Variants in SEMA3D observed in about 807,000 individuals in gnomAD.
SEMA3D encodes the protein semaphorin-3D.
In SEMA3D, 84 loss-of-function variants were observed where a neutral mutation model predicts 100.1. The observed-to-expected ratio is 0.84, with a 90% confidence interval of 0.70 to 1.01. The LOEUF (loss-of-function observed/expected upper bound fraction) is 1.01, where lower values mean the gene tolerates loss of function less well. SEMA3D is among the 50% of genes least tolerant of loss of function. The pLI, the probability that SEMA3D is intolerant of heterozygous loss-of-function variation, is 0.00. For missense variants in SEMA3D, 875 were observed against 934.1 expected (o/e 0.94, Z 0.82); for synonymous variants, 312 against 320.7 (o/e 0.97, Z 0.29).
At chr7:85,121,173 A>T (rs978300398) in intron 3 of SEMA3D, among the ~76,000 whole-genome samples, 1 of 152,230 alleles carries the variant, frequency 6.6e-6, no homozygotes, top group East Asian at 1.9e-4. Context: ...ACACAGACAC[A>T]CACAAAGTTG....
chr7:85,154,767 G>A (rs1235430425), intron 1 of SEMA3D, among the ~76,000 whole-genome samples: 1 of 152,128 alleles, frequency 6.6e-6, no homozygotes, highest in Non-Finnish European at 1.5e-5. Flanking sequence ...AAGGTGATAA[G>A]TCTAGGTTGG....
chr7:85,022,812 T>C (rs1790293556), intron 12 of SEMA3D, among the ~76,000 whole-genome samples, 199 bp from the exon 13 acceptor site: 1 of 151,932 alleles, frequency 6.6e-6, no homozygotes, highest in Non-Finnish European at 1.5e-5. Flanking sequence ...CCTTCAAAAA[T>C]TTTCTAAATT....
intron 4 of SEMA3D, among the ~76,000 whole-genome samples, chr7:85,093,317 G>A (rs1788453720): frequency 6.6e-6 from 1 of 151,682 alleles, no homozygotes; most frequent in African/African-American, 2.4e-5. Context: ...ATATATTTCT[G>A]GCCAACGAGA....
At chr7:85,231,727 G>A in the SEMA3D span, among the ~76,000 whole-genome samples, 1 of 152,082 alleles carries the variant, frequency 6.6e-6, no homozygotes, top group Admixed American at 6.5e-5. Flanking sequence ...TGGGATTATA[G>A]GCGTGAGCCA....
In SEMA3D at chr7:85,066,911, C is replaced by CAG. The variant is rs759461188; in HGVS notation, c.589+1279_589+1280insCT. On this transcript the variant is annotated intron_variant, in intron 7 of 18. Coordinates refer to ENST00000284136, the MANE Select transcript of SEMA3D (RefSeq NM_001384900.1). Reference sequence around the variant, plus strand: ...GTGCGCTCACACACACACACACACACACAGAGAGAGAGAGAGAGAGAGAGA... The same window carrying CAG: ...GTGCGCTCACACACACACACACACACAGACAGAGAGAGAGAGAGAGAGAGAGA... Among the ~76,000 whole-genome samples, 20 of 90,650 alleles carry CAG rather than the reference C, an allele frequency of 2.2e-4. No individual in the cohort carries two copies. In the East Asian group the frequency reaches 3.7e-3, roughly 17 times the overall value. 59.5% of individuals were successfully genotyped at this position (90,650 alleles called of 152,430 possible). A position where few individuals can be genotyped will look rare whatever the true frequency, so the allele number is the denominator to read the frequency against.
chr7:85,228,635 A>AT, the SEMA3D span, among the ~76,000 whole-genome samples: 21 of 151,838 alleles, frequency 1.4e-4, no homozygotes, highest in South Asian at 1.2e-3. Flanking sequence ...CATTTTCTGT[A>AT]TTTTTTTTAA....
At chr7:85,028,502 A>G in intron 12 of SEMA3D, 1 of 355,180 alleles carries the variant, frequency 2.8e-6, no homozygotes, top group Non-Finnish European at 5.2e-6. Flanking sequence ...ATCTACAGCC[A>G]GAGACACCTA....
chr7:85,029,786 C>T (rs1032193755), intron 12 of SEMA3D: 44 of 227,646 alleles, frequency 1.9e-4, no homozygotes, highest in African/African-American at 8.7e-4. Flanking sequence ...GTTTTACGGT[C>T]GAGCTGCTAT....
intron 2 of SEMA3D, among the ~76,000 whole-genome samples, chr7:85,122,611 C>T (rs948591290): frequency 6.6e-6 from 1 of 152,142 alleles, no homozygotes; most frequent in African/African-American, 2.4e-5. Context: ...GATCCACCAA[C>T]TAAAACAGAC....
At chr7:85,055,016 A>G (rs1023794758) in intron 9 of SEMA3D, among the ~76,000 whole-genome samples, 5 of 152,258 alleles carry the variant, frequency 3.3e-5, no homozygotes, top group African/African-American at 1.2e-4. Flanking sequence ...TGGCAAGATT[A>G]AAAACTAATT....
chr7:85,121,785 C>A lies in SEMA3D; in HGVS notation c.107G>T (p.Gly36Val). 1 of 1,607,004 alleles carries A rather than the reference C, an allele frequency of 6.2e-7. No homozygotes were observed. The highest frequency in any genetic ancestry group is 8.5e-7 in the Non-Finnish European group (1 of 1,177,052). Residue 36 changes from glycine (G) to valine (V), a missense_variant, in exon 3 of 19, where the codon GGC becomes GTC. Coordinates refer to ENST00000284136, the MANE Select transcript of SEMA3D (RefSeq NM_001384900.1). ...TCTTGGAATATTTTGCTTCAAAGTG[C>A]CAGTGACTGGAAGAAACAACATGGT... ...SMTMLFLPVT[G>V]TLKQNIPRLK... is the part of the protein sequence containing the mutation.
At chr7:85,122,755 G>A (rs1789464749) in intron 2 of SEMA3D, among the ~76,000 whole-genome samples, 1 of 152,116 alleles carries the variant, frequency 6.6e-6, no homozygotes, top group Non-Finnish European at 1.5e-5. Context: ...ACAATGCAAT[G>A]TTACCTGAAA....
chr7:85,033,252 C>A (rs1584538021), intron 12 of SEMA3D, among the ~76,000 whole-genome samples: 2 of 152,094 alleles, frequency 1.3e-5, no homozygotes. Flanking sequence ...GTATGTTGAA[C>A]ATAATTTGGT....
At chr7:85,155,622 T>A (rs1461980271) in intron 1 of SEMA3D, among the ~76,000 whole-genome samples, 1 of 152,194 alleles carries the variant, frequency 6.6e-6, no homozygotes, top group East Asian at 1.9e-4. Flanking sequence ...GATTCACTTA[T>A]ACATTTAGGT....
the SEMA3D span, among the ~76,000 whole-genome samples, chr7:85,211,708 C>T: frequency 1.3e-5 from 2 of 151,988 alleles, no homozygotes; most frequent in African/African-American, 4.8e-5. Flanking sequence ...CCTCTGTTTC[C>T]CCTAAGACAG....
At chr7:85,061,179 T>C (rs989384331) in intron 8 of SEMA3D, among the ~76,000 whole-genome samples, 2 of 152,134 alleles carry the variant, frequency 1.3e-5, no homozygotes, top group Non-Finnish European at 2.9e-5. Context: ...GAAAACTGCC[T>C]CAAAGATGAA....
intron 10 of SEMA3D, chr7:85,041,204 C>A (rs1447013273): frequency 6.6e-6 from 1 of 152,338 alleles, no homozygotes; most frequent in Non-Finnish European, 1.5e-5. Flanking sequence ...ATTACAGGTG[C>A]CCACCACCAG....
intron 14 of SEMA3D, 70 bp from the exon 15 acceptor site, chr7:85,018,363 T>G: frequency 1.1e-6 from 1 of 950,794 alleles, no homozygotes; most frequent in South Asian, 1.4e-5. Context: ...ATATGTTGTT[T>G]TATCTGATGC....
chr7:85,049,161 G>A (rs541357225), intron 9 of SEMA3D, among the ~76,000 whole-genome samples: 2 of 150,582 alleles, frequency 1.3e-5, no homozygotes, highest in Non-Finnish European at 3.0e-5. Flanking sequence ...TAAGGCAAAG[G>A]ATAGAGGAGA....
Sources: gnomAD v4.1 joint callset for allele counts (sites outside exome capture counted in the v4.1 genomes callset) on GRCh38, gnomAD v4.1.1 for gene constraint, MANE v1.5 for transcripts, NCBI Gene and HGNC (gene_info 2026-07-23, HGNC 2026-07-21) for gene names.